Variants in CNBD1 observed in about 807,000 individuals in gnomAD.
The protein encoded by CNBD1 is cyclic nucleotide-binding domain-containing protein 1.
Under a neutral mutation model 54.4 loss-of-function variants are expected in CNBD1, and 71 were observed. The observed-to-expected ratio is 1.30, with a 90% CI of 1.08 to 1.59. The LOEUF is 1.59. Among genes scored for constraint, CNBD1 ranks in the 40% most tolerant of loss-of-function variants. CNBD1 has a pLI of 0.00. For missense variants in CNBD1, 659 were observed against 518.0 expected (o/e 1.27, Z -2.64); for synonymous variants, 182 against 170.7 (o/e 1.07, Z -0.51).
chr8:87,215,564 G>A (rs1814191437), intron 5 of CNBD1, among the ~76,000 whole-genome samples: 1 of 150,794 alleles, frequency 6.6e-6, no homozygotes. Context: ...CTCCAGCCTG[G>A]GCGACAGAGT....
chr8:86,897,517 T>C (rs1247095742), intron 2 of CNBD1, among the ~76,000 whole-genome samples: 1 of 151,912 alleles, frequency 6.6e-6, no homozygotes, highest in Non-Finnish European at 1.5e-5. Context: ...AGAAAGCAGA[T>C]AGTGAGTCTA....
intron 4 of CNBD1, among the ~76,000 whole-genome samples, chr8:87,077,517 C>G (rs1322771922): frequency 6.8e-6 from 1 of 147,800 alleles, no homozygotes; most frequent in South Asian, 2.1e-4. Context: ...CCCATTAACT[C>G]GTCATTTACA....
intron 8 of CNBD1, among the ~76,000 whole-genome samples, chr8:87,319,490 C>A (rs1305804751): frequency 2.0e-5 from 3 of 151,838 alleles, no homozygotes; most frequent in Non-Finnish European, 1.5e-5. Flanking sequence ...CATAGAATAA[C>A]CTATATGAAC....
intron 3 of CNBD1, among the ~76,000 whole-genome samples, chr8:86,918,810 A>G (rs1809226845): frequency 6.6e-6 from 1 of 151,828 alleles, no homozygotes; most frequent in Non-Finnish European, 1.5e-5. Flanking sequence ...AAAAAAAAAA[A>G]AAAAAAGATT....
intron 4 of CNBD1, among the ~76,000 whole-genome samples, chr8:87,141,292 T>A (rs1812364875): frequency 6.6e-6 from 1 of 152,150 alleles, no homozygotes; most frequent in African/African-American, 2.4e-5. Context: ...ATCAATGCTG[T>A]TGTTACTAAC....
chr8:87,243,313 G>A (rs549917494), intron 6 of CNBD1, among the ~76,000 whole-genome samples: 1 of 152,320 alleles, frequency 6.6e-6, no homozygotes, highest in African/African-American at 2.4e-5. Flanking sequence ...CAACCAATTT[G>A]TTTCAAACAA....
chr8:87,330,740 A>G (rs1809808467), intron 8 of CNBD1, among the ~76,000 whole-genome samples: 1 of 152,218 alleles, frequency 6.6e-6, no homozygotes, highest in Admixed American at 6.5e-5. Context: ...ATGTTCAGAT[A>G]AGAATATGTA....
rs146611338 is a variant in CNBD1 at position 87,379,501 on chromosome 8, T to G, written c.1304-3119T>G. Reference sequence around the variant, plus strand: ...GGGAAGTAAAGCTCTCCCCAGCAAATGTAAAAGAACAGAATTTATAACAAA... The same window carrying G: ...GGGAAGTAAAGCTCTCCCCAGCAAAGGTAAAAGAACAGAATTTATAACAAA... On this transcript the variant is annotated intron_variant, in intron 10 of 10. Coordinates refer to ENST00000518476, the MANE Select transcript of CNBD1 (RefSeq NM_173538.3). Among the ~76,000 whole-genome samples the G allele has an allele frequency of 9.7e-3, 1,469 of 151,752 alleles. 21 individuals carry two copies. The highest frequency in any genetic ancestry group is 0.033 in the African/African-American group (1,355 of 41,322).
chr8:86,877,174 T>C (rs113566206), intron 1 of CNBD1, among the ~76,000 whole-genome samples: 1 of 152,106 alleles, frequency 6.6e-6, no homozygotes, highest in Non-Finnish European at 1.5e-5. Context: ...ACTGTAACTA[T>C]TAATTATCTA....
chr8:87,354,440 T>C (rs1810379133), intron 10 of CNBD1, among the ~76,000 whole-genome samples: 1 of 152,020 alleles, frequency 6.6e-6, no homozygotes, highest in Non-Finnish European at 1.5e-5. Context: ...AGTTTTAGGG[T>C]ACATGTGCAC....
intron 2 of CNBD1, among the ~76,000 whole-genome samples, chr8:87,425,093 T>G (rs1442898895): frequency 6.6e-6 from 1 of 152,168 alleles, no homozygotes; most frequent in Non-Finnish European, 1.5e-5. Context: ...GCTGATACCC[T>G]TTCTTCCAGT....
At chr8:87,375,599 C>T (rs4455849) in intron 10 of CNBD1, among the ~76,000 whole-genome samples, 3,304 of 151,670 alleles carry the variant, frequency 0.022, 117 homozygotes, top group African/African-American at 0.073. Context: ...TCATAGGAAC[C>T]GAATCAAGGT....
chr8:87,001,920 T>C lies in CNBD1; in HGVS notation c.431+62166T>C, dbSNP rs55766267. 7.4e-3 allele frequency among the ~76,000 whole-genome samples: 1,127 copies of C among 152,328 alleles called. 13 individuals carry two copies. The highest frequency in any genetic ancestry group is 0.026 in the African/African-American group (1,061 of 41,582). ...TTAGGAAGTCACCTTTGTCTTTCAC[T>C]TCTCTGTTTAAACTTATTGTTCTCA... On this transcript the variant is annotated intron_variant, in intron 4 of 10. Transcript: ENST00000518476.
At chr8:87,402,743 G>A (rs780798784) in intron 2 of CNBD1, among the ~76,000 whole-genome samples, 8 of 152,060 alleles carry the variant, frequency 5.3e-5, no homozygotes, top group Non-Finnish European at 1.5e-5. Context: ...TGCCATTAAA[G>A]TGTTTTAGGG....
chr8:86,937,754 G>A (rs1380488923), intron 3 of CNBD1, among the ~76,000 whole-genome samples: 1 of 152,078 alleles, frequency 6.6e-6, no homozygotes. Flanking sequence ...CCTAGGCCCT[G>A]TGGCTTGTGA....
At chr8:86,995,589 A>G (rs1263715772) in intron 4 of CNBD1, among the ~76,000 whole-genome samples, 1 of 152,188 alleles carries the variant, frequency 6.6e-6, no homozygotes, top group Non-Finnish European at 1.5e-5. Context: ...AGGGGATTAT[A>G]TACCAGATAG....
intron 8 of CNBD1, among the ~76,000 whole-genome samples, chr8:87,332,725 T>G (rs1397809510): frequency 6.6e-6 from 1 of 152,106 alleles, no homozygotes; most frequent in Non-Finnish European, 1.5e-5. Context: ...CTATTATGTT[T>G]CATTGGTCTG....
chr8:87,326,968 A>G (rs1809682686), intron 8 of CNBD1, among the ~76,000 whole-genome samples: 1 of 136,862 alleles, frequency 7.3e-6, no homozygotes, highest in Non-Finnish European at 1.6e-5. Flanking sequence ...ATGGTGATGT[A>G]CAGATGGGTT....
chr8:87,279,156 T>G (rs981386566), intron 6 of CNBD1, among the ~76,000 whole-genome samples: 6 of 151,452 alleles, frequency 4.0e-5, no homozygotes, highest in Non-Finnish European at 7.4e-5. Flanking sequence ...AATTTCTGCA[T>G]GCAAAAACAG....
Sources: allele counts gnomAD v4.1 joint callset (sites outside exome capture counted in the v4.1 genomes callset), GRCh38; gene constraint gnomAD v4.1.1; transcripts MANE v1.5; gene names NCBI Gene and HGNC (gene_info 2026-07-23, HGNC 2026-07-21).